Variants in PCDHA3 observed in about 807,000 individuals in gnomAD.
PCDHA3 encodes the protein protocadherin alpha-3.
Under a neutral mutation model 62.2 loss-of-function variants are expected in PCDHA3, and 41 were observed. The ratio of observed to expected loss-of-function variants is 0.66; its 90% CI spans 0.51 to 0.86. The LOEUF is 0.86. PCDHA3 is among the 40% of genes least tolerant of loss of function. The pLI is 0.00. For missense variants in PCDHA3, 1,304 were observed against 1,241.2 expected, an observed-to-expected ratio of 1.05 and a Z score of -0.76; for synonymous variants, 640 against 555.4, an observed-to-expected ratio of 1.15 and a Z score of -2.14.
chr5:140,969,125 C>T (rs2096298194), intron 1 of PCDHA3: 3 of 1,614,152 alleles, frequency 1.9e-6, no homozygotes, highest in East Asian at 2.2e-5. Flanking sequence ...GAATGGCTCC[C>T]TCACCAAGAC....
chr5:140,971,500 TAGG>T (rs2096483491), intron 1 of PCDHA3, among the ~76,000 whole-genome samples: 2 of 152,136 alleles, frequency 1.3e-5, no homozygotes, highest in Admixed American at 1.3e-4. Flanking sequence ...TGTGGCAAGA[TAGG>T]AGCAAAAGCC....
rs1038789772 is a variant in PCDHA3, at chr5:140,894,031, G to C, written c.2395-84918G>C. On this transcript the variant is annotated intron_variant, in intron 1 of 3. Transcript: ENST00000522353. ...TTCAAATTACCAGTTCTGCATACTG[G>C]TAATGTAAGTCCTCTGTTGAATTGA... Among the ~76,000 whole-genome samples, 3 of 152,204 alleles carry C rather than the reference G, an allele frequency of 2.0e-5. No homozygotes were observed. In the South Asian group the frequency reaches 6.2e-4, roughly 32 times the overall value.
intron 1 of PCDHA3, chr5:140,875,502 A>G (rs201298546): frequency 1.7e-5 from 28 of 1,613,494 alleles, no homozygotes; most frequent in Non-Finnish European, 2.3e-5. Context: ...GAGGCCCGGG[A>G]TCCCAGCGTC....
chr5:140,801,993 G>A lies in PCDHA3; in HGVS notation c.796G>A (p.Ala266Thr), dbSNP rs1554121819. The A allele has an allele frequency of 1.2e-6, 2 of 1,614,042 alleles. No individual in the cohort carries two copies. The highest frequency in any genetic ancestry group is 1.7e-6 in the Non-Finnish European group (2 of 1,180,040). Residue 266 changes from alanine to threonine, a missense_variant, in exon 1 of 4, where the codon GCC becomes ACC. Transcript: ENST00000522353. The stretch of plus-strand genomic sequence containing the variant: ...TGGTACCCTAGTGGTGACCGTTAAC[G>A]CCACCGATTTGGATGAAGGAGTAAA... Reference protein sequence around the residue: ...PNGTLVVTVNATDLDEGVNKD... With the variant: ...PNGTLVVTVNTTDLDEGVNKD...
chr5:141,008,074 G>A (rs1484978543), intron 3 of PCDHA3, among the ~76,000 whole-genome samples: 1 of 151,988 alleles, frequency 6.6e-6, no homozygotes, highest in Non-Finnish European at 1.5e-5. Flanking sequence ...AGAACTTATT[G>A]GGGTTATTCT....
intron 1 of PCDHA3, chr5:140,863,342 T>G: frequency 7.5e-7 from 1 of 1,338,916 alleles, no homozygotes; most frequent in Non-Finnish European, 1.0e-6. Flanking sequence ...ACGTTGCTGC[T>G]GTACACGACG....
At chr5:140,968,845 G>A in intron 1 of PCDHA3, 1 of 1,614,176 alleles carries the variant, frequency 6.2e-7, no homozygotes. Flanking sequence ...ACACTCAGAG[G>A]CATGTTAAGA....
intron 1 of PCDHA3, among the ~76,000 whole-genome samples, chr5:140,957,274 C>A (rs1251520860): frequency 6.6e-6 from 1 of 152,104 alleles, no homozygotes; most frequent in South Asian, 2.1e-4. Context: ...ACTAGTCCCC[C>A]CTTACCTGCA....
chr5:140,966,962 G>A (rs370831122), intron 1 of PCDHA3: 1 of 1,602,750 alleles, frequency 6.2e-7, no homozygotes, highest in Non-Finnish European at 8.5e-7. Context: ...TCGCGCGCTG[G>A]GGCTTGAGCT....
At chr5:140,967,649 T>C in intron 1 of PCDHA3, 1 of 1,614,132 alleles carries the variant, frequency 6.2e-7, no homozygotes. Context: ...GCTCAGGTAC[T>C]CCTTGAGCAG....
intron 1 of PCDHA3, chr5:140,927,048 G>C: frequency 6.2e-7 from 1 of 1,612,122 alleles, no homozygotes; most frequent in Non-Finnish European, 8.5e-7. Flanking sequence ...CTATGTCCTC[G>C]CGGAACTTTC....
At chr5:140,887,396 C>T (rs2153420229) in intron 1 of PCDHA3, among the ~76,000 whole-genome samples, 1 of 152,174 alleles carries the variant, frequency 6.6e-6, no homozygotes, top group Non-Finnish European at 1.5e-5. Flanking sequence ...GCGCCCGGCT[C>T]TTTATCTCAT....
At chr5:140,852,885 A>T in intron 1 of PCDHA3, 5 of 778,116 alleles carry the variant, frequency 6.4e-6, no homozygotes, top group Non-Finnish European at 7.9e-6. Context: ...CATAAAACGT[A>T]TTTTTTTTTT....
rs1562298867 is a variant in PCDHA3, at chr5:140,828,664, A to C, written c.2394+25073A>C. On this transcript the variant is annotated intron_variant, in intron 1 of 3. Coordinates refer to ENST00000522353, the MANE Select transcript of PCDHA3 (RefSeq NM_018906.3). ...AAATAAACAGTGATGACAATAAACAAATTGGGCTCTTATTAAAGAAATCCT... is the reference window on the plus strand; with the variant it reads ...AAATAAACAGTGATGACAATAAACACATTGGGCTCTTATTAAAGAAATCCT... 1 of 1,614,094 alleles carries C rather than the reference A, an allele frequency of 6.2e-7. No homozygotes were observed. The highest frequency in any genetic ancestry group is 1.7e-5 in the Admixed American group (1 of 60,008).
At chr5:140,849,302 A>T in intron 1 of PCDHA3, 3 of 1,281,278 alleles carry the variant, frequency 2.3e-6, no homozygotes, top group Non-Finnish European at 3.2e-6. Context: ...CCTCAGATTT[A>T]GACGAAGGCT....
chr5:140,912,164 CT>C (rs1281307479), intron 1 of PCDHA3, among the ~76,000 whole-genome samples: 1 of 152,158 alleles, frequency 6.6e-6, no homozygotes, highest in Non-Finnish European at 1.5e-5. Flanking sequence ...TTTATTCTGG[CT>C]GTGCTGGCAG....
At chr5:140,952,410 T>C (rs2094741343) in intron 1 of PCDHA3, among the ~76,000 whole-genome samples, 1 of 151,978 alleles carries the variant, frequency 6.6e-6, no homozygotes, top group Non-Finnish European at 1.5e-5. Flanking sequence ...TCAAATTTAA[T>C]GTTCCGCAGA....
intron 1 of PCDHA3, chr5:140,930,379 G>T (rs1249793792): frequency 6.6e-6 from 1 of 151,896 alleles, no homozygotes; most frequent in African/African-American, 2.4e-5. Flanking sequence ...GTGGCCCTTG[G>T]CATTTCAAAA....
At chr5:140,829,051 T>G (rs2150162199) in intron 1 of PCDHA3, 1 of 1,613,104 alleles carries the variant, frequency 6.2e-7, no homozygotes, top group South Asian at 1.1e-5. Flanking sequence ...AAATCCTCAT[T>G]GACGCCACGG....
Sources: allele counts gnomAD v4.1 joint callset (sites outside exome capture counted in the v4.1 genomes callset), GRCh38; gene constraint gnomAD v4.1.1; transcripts MANE v1.5; gene names NCBI Gene and HGNC (gene_info 2026-07-23, HGNC 2026-07-21).